Variants in DET1 observed in about 807,000 individuals in gnomAD.
DET1 encodes DET1 partner of COP1 E3 ubiquitin ligase.
Under a neutral mutation model 43.7 loss-of-function variants are expected in DET1, and 22 were observed. The ratio of observed to expected loss-of-function variants is 0.50; its 90% CI spans 0.36 to 0.72. The LOEUF is 0.72. Ranked by LOEUF, DET1 falls within the 30% of genes least tolerant of loss-of-function variation. DET1 has a pLI of 0.00. For missense variants in DET1, 713 were observed against 713.3 expected, an observed-to-expected ratio of 1.00 and a Z score of 0.00; for synonymous variants, 315 against 266.2, an observed-to-expected ratio of 1.18 and a Z score of -1.79.
chr15:88,525,189 ATATTT>A (rs1453039794), intron 3 of DET1, among the ~76,000 whole-genome samples: 1 of 152,214 alleles, frequency 6.6e-6, no homozygotes, highest in Non-Finnish European at 1.5e-5. Flanking sequence ...TCCTTTTGTT[ATATTT>A]TAAAGTGTTG....
intron 2 of DET1, among the ~76,000 whole-genome samples, chr15:88,528,972 T>G (rs904404336): frequency 6.6e-6 from 1 of 152,208 alleles, no homozygotes; most frequent in Non-Finnish European, 1.5e-5. Context: ...TTAATCTTAT[T>G]GGAACCTATC....
chr15:88,543,261 G>A (rs1250464726), intron 1 of DET1, among the ~76,000 whole-genome samples: 2 of 152,184 alleles, frequency 1.3e-5, no homozygotes, highest in East Asian at 3.8e-4. Context: ...CCTCTGGATG[G>A]CCAAGTAGCA....
chr15:88,536,609 C>G (rs552449500), intron 1 of DET1, among the ~76,000 whole-genome samples: 111 of 151,882 alleles, frequency 7.3e-4, no homozygotes, highest in African/African-American at 2.5e-3. Flanking sequence ...GAAACTCCAT[C>G]TCTACTAAAA....
At chr15:88,537,610 TCTTA>T (rs2056986993) in intron 1 of DET1, among the ~76,000 whole-genome samples, 1 of 152,180 alleles carries the variant, frequency 6.6e-6, no homozygotes, top group Non-Finnish European at 1.5e-5. Flanking sequence ...GAGATGAAGA[TCTTA>T]CTTATGTTTA....
intron 2 of DET1, 95 bp downstream of exon 2, chr15:88,530,528 G>A: frequency 6.6e-7 from 1 of 1,505,108 alleles, no homozygotes; most frequent in Non-Finnish European, 8.8e-7. Context: ...TACGTGAAAT[G>A]TCTATTTCTG....
At chr15:88,543,799 C>T (rs950002000) in intron 1 of DET1, among the ~76,000 whole-genome samples, 1 of 152,138 alleles carries the variant, frequency 6.6e-6, no homozygotes, top group African/African-American at 2.4e-5. Context: ...CTACCAGAAG[C>T]GTGGGCTACT....
chr15:88,522,289 T>G (rs921822235), intron 3 of DET1, among the ~76,000 whole-genome samples: 3 of 151,554 alleles, frequency 2.0e-5, no homozygotes, highest in Non-Finnish European at 4.4e-5. Context: ...TCTTCAGTCC[T>G]GGGAATCTAT....
In DET1 at chr15:88,516,870, G is replaced by C. The variant is rs1182755411; in HGVS notation, c.1375C>G (p.Pro459Ala). 2.5e-6 allele frequency: 4 copies of C among 1,611,160 alleles called. No individual in the cohort carries two copies. The highest frequency in any genetic ancestry group is 2.5e-6 in the Non-Finnish European group (3 of 1,178,752). Residue 459 changes from proline (P) to alanine (A), a missense_variant, in exon 4 of 5, where the codon CCC becomes GCC. Transcript: ENST00000268148. The surrounding 1 kb of genome is among the most constrained non-coding windows in gnomAD (Gnocchi z 4.4). ...PISAQSYSGS[P>A]YLDLSLFSYD... is the part of the protein sequence containing the mutation. ...CTGAAGAGAGACAAATCCAGATAGG[G>C]GCTACCGCTGTAAGACTGAGCACTG... is the stretch of plus-strand genomic sequence containing the variant.
intron 3 of DET1, among the ~76,000 whole-genome samples, chr15:88,520,334 T>C (rs190845561): frequency 7.2e-5 from 11 of 152,364 alleles, no homozygotes; most frequent in African/African-American, 2.4e-4. Context: ...CTCCCATTCT[T>C]TCTTAAACCC....
intron 2 of DET1, among the ~76,000 whole-genome samples, chr15:88,528,992 TGGA>T (rs1233960661): frequency 2.0e-5 from 3 of 152,190 alleles, no homozygotes; most frequent in Non-Finnish European, 2.9e-5. Context: ...CAAATTAAAC[TGGA>T]GGAGGAGAGC....
intron 1 of DET1, among the ~76,000 whole-genome samples, chr15:88,540,275 G>A (rs2057070848): frequency 6.6e-6 from 1 of 152,186 alleles, no homozygotes; most frequent in Admixed American, 6.5e-5. Context: ...ACCTCAGGCT[G>A]GCCTCTAGTC....
Position 88,531,562 on chromosome 15 carries a change from G to A in DET1, c.144C>T (p.Pro48=). Residue 48 remains proline (P), a synonymous_variant, in exon 2 of 5, where the codon CCC becomes CCT. Coordinates refer to ENST00000268148, the MANE Select transcript of DET1 (RefSeq NM_001144074.3). The surrounding 1 kb of genome is among the most constrained non-coding windows in gnomAD (Gnocchi z 6.2). The stretch of plus-strand genomic sequence containing the variant: ...TTTCAACGTTGACAACTGTGAAGTT[G>A]GGGAAGACATTCTGATGGAACACTC... ...QVRVFHQNVF[P]NFTVVNVEKP... The A allele has an allele frequency of 1.9e-6, 3 of 1,614,002 alleles. 1 individual carries two copies. The South Asian group carries it at 3.3e-5, about 18-fold the overall frequency.
chr15:88,535,794 A>G (rs1362044997), intron 1 of DET1, among the ~76,000 whole-genome samples: 1 of 149,652 alleles, frequency 6.7e-6, no homozygotes, highest in Admixed American at 6.6e-5. Context: ...AAGGAAGGGG[A>G]AAAAAAGAAA....
chr15:88,538,946 C>G (rs1483663965), intron 1 of DET1, among the ~76,000 whole-genome samples: 3 of 152,164 alleles, frequency 2.0e-5, no homozygotes, highest in Non-Finnish European at 2.9e-5. Flanking sequence ...GCCCGTTACT[C>G]TAGGACGCTA....
At position 88,540,228 on chromosome 15, in the gene DET1, G is replaced by T. The variant is rs191918607; in HGVS notation, c.-11+6312C>A. ...AGGTATTTAGGGTACAGATCTAGAAGAAGAGGGAGAACGCCTAGATCCAAC... is the reference window on the plus strand; with the variant it reads ...AGGTATTTAGGGTACAGATCTAGAATAAGAGGGAGAACGCCTAGATCCAAC... On this transcript the variant is annotated intron_variant, in intron 1 of 4. Transcript: ENST00000268148. Among the ~76,000 whole-genome samples the T allele has an allele frequency of 2.4e-3, 358 of 152,270 alleles. 2 individuals are homozygous for T. Among genetic ancestry groups the T allele is most frequent in the Non-Finnish European group, 3.9e-3 (268 of 68,014 alleles).
intron 4 of DET1, among the ~76,000 whole-genome samples, chr15:88,515,538 T>A (rs1453465453): frequency 4.2e-5 from 2 of 47,466 alleles, no homozygotes; most frequent in Non-Finnish European, 3.4e-5. Context: ...GACTCCGTCT[T>A]ATAAAAAAAA....
intron 1 of DET1, chr15:88,536,257 G>A: frequency 2.7e-6 from 2 of 743,638 alleles, no homozygotes; most frequent in Non-Finnish European, 2.5e-6. Context: ...TGAATTTACT[G>A]ATACACCCTA....
At chr15:88,530,077 G>A (rs1188646576) in intron 2 of DET1, among the ~76,000 whole-genome samples, 2 of 152,172 alleles carry the variant, frequency 1.3e-5, no homozygotes, top group Non-Finnish European at 2.9e-5. Context: ...TGTGGGCAAG[G>A]TCAGGGTAAA....
chr15:88,533,051 T>C (rs1405711215), intron 1 of DET1, among the ~76,000 whole-genome samples: 1 of 152,108 alleles, frequency 6.6e-6, no homozygotes, highest in East Asian at 1.9e-4. Flanking sequence ...GGATAAAGGG[T>C]TAATATCTAG....
Sources: gnomAD v4.1 joint callset for allele counts (sites outside exome capture counted in the v4.1 genomes callset) on GRCh38, gnomAD v4.1.1 for gene constraint, Gnocchi (gnomAD v3.1) non-coding constraint, MANE v1.5 for transcripts, NCBI Gene and HGNC (gene_info 2026-07-23, HGNC 2026-07-21) for gene names.